The following CADPS variants were observed in gnomAD, a reference collection of about 807,000 sequenced individuals.
CADPS encodes calcium dependent secretion activator.
A neutral mutation model predicts 167.3 loss-of-function variants in CADPS; 57 were observed. That is an observed-to-expected ratio of 0.34 (90% confidence interval 0.28 to 0.42). CADPS has a LOEUF of 0.42. CADPS is among the 20% of genes least tolerant of loss of function. CADPS has a pLI of 1.00. For missense variants in CADPS, 1,414 were observed against 1,738.1 expected, an observed-to-expected ratio of 0.81 and a Z score of 3.32; for synonymous variants, 676 against 635.3, an observed-to-expected ratio of 1.06 and a Z score of -0.96.
At chr3:62,629,757 G>GTTTTTTTTTTTTTT (rs55956118) in intron 6 of CADPS, among the ~76,000 whole-genome samples, 29 of 145,704 alleles carry the variant, frequency 2.0e-4, no homozygotes, top group Non-Finnish European at 2.6e-4. Context: ...CTCTGGTACA[G>GTTTTTTTTTTTTTT]TTTTTTTTTT....
At chr3:62,681,161 C>T (rs1007816239) in intron 3 of CADPS, among the ~76,000 whole-genome samples, 3 of 152,048 alleles carry the variant, frequency 2.0e-5, no homozygotes, top group Non-Finnish European at 2.9e-5. Flanking sequence ...GTGCTGTTGC[C>T]CTGTCTAACA....
At chr3:62,471,443 C>T (rs115966481) in intron 24 of CADPS, among the ~76,000 whole-genome samples, 2,059 of 152,170 alleles carry the variant, frequency 0.014, 43 homozygotes, top group African/African-American at 0.045. Flanking sequence ...AGAAATGGCT[C>T]CATACCTTTT....
At chr3:62,509,305 AAAGAAAG>A (rs1181123322) in intron 17 of CADPS, among the ~76,000 whole-genome samples, 1 of 137,742 alleles carries the variant, frequency 7.3e-6, no homozygotes, top group Non-Finnish European at 1.5e-5. Context: ...AAAAAAAAAA[AAAGAAAG>A]AAAGAAAGAA....
chr3:62,716,250 C>G (rs545249964), intron 3 of CADPS, among the ~76,000 whole-genome samples: 1 of 152,088 alleles, frequency 6.6e-6, no homozygotes, highest in East Asian at 1.9e-4. Flanking sequence ...CACAAGGTTT[C>G]GCCACGTTGG....
chr3:62,753,869 C>T lies in CADPS; in HGVS notation c.556-96G>A. 8.3e-7 allele frequency: 1 copy of T among 1,211,010 alleles called. No homozygotes were observed. Among genetic ancestry groups the T allele is most frequent in the African/African-American group, 1.5e-5 (1 of 66,102 alleles). 75.0% of individuals were successfully genotyped at this position (1,211,010 alleles called of 1,614,324 possible). On this transcript the variant is annotated intron_variant, in intron 2 of 29. Coordinates refer to ENST00000383710, the MANE Select transcript of CADPS (RefSeq NM_003716.4). This position sits in a 1 kb window ranked among gnomAD's most constrained non-coding sequence, Gnocchi z 4.6. ...ACACTGGGCCAGTCCACCTCACGTG[C>T]ATCCCAGGAGGAACCACTGTGGGTC...
At chr3:62,598,006 A>C (rs1578482665) in intron 6 of CADPS, among the ~76,000 whole-genome samples, 1 of 152,328 alleles carries the variant, frequency 6.6e-6, no homozygotes, top group South Asian at 2.1e-4. Flanking sequence ...ACTCCAAAAC[A>C]AAACACACAC....
intron 1 of CADPS, among the ~76,000 whole-genome samples, chr3:62,772,550 T>TA (rs1249159329): frequency 2.6e-5 from 4 of 151,980 alleles, no homozygotes; most frequent in Admixed American, 6.6e-5. Flanking sequence ...ATGTGGTCCT[T>TA]ACATTTTTTG....
At chr3:62,667,277 C>G (rs1310919992) in intron 3 of CADPS, among the ~76,000 whole-genome samples, 1 of 151,974 alleles carries the variant, frequency 6.6e-6, no homozygotes, top group Admixed American at 6.5e-5. Context: ...GGGGAGTCAC[C>G]AGATGTTAAT....
intron 3 of CADPS, among the ~76,000 whole-genome samples, chr3:62,740,573 T>A (rs1218324586): frequency 6.6e-6 from 1 of 152,166 alleles, no homozygotes; most frequent in Admixed American, 6.5e-5. Flanking sequence ...AAACAATTTC[T>A]TCATCATTCA....
At chr3:62,419,144 C>A (rs1206304263) in intron 28 of CADPS, among the ~76,000 whole-genome samples, 3 of 152,142 alleles carry the variant, frequency 2.0e-5, no homozygotes, top group African/African-American at 7.2e-5. Flanking sequence ...CTCTTATGTA[C>A]CTGAATTTCT....
intron 28 of CADPS, among the ~76,000 whole-genome samples, chr3:62,427,309 G>A (rs1011579635): frequency 7.2e-5 from 11 of 152,032 alleles, no homozygotes; most frequent in Non-Finnish European, 1.0e-4. Context: ...TTTCTGAGAC[G>A]AGTTCCCGAG....
intron 6 of CADPS, among the ~76,000 whole-genome samples, chr3:62,605,559 G>T (rs780313262): frequency 6.6e-6 from 1 of 152,298 alleles, no homozygotes; most frequent in East Asian, 1.9e-4. Context: ...AGCAGTCAGC[G>T]TTATCTGGGC....
At chr3:62,566,954 G>A (rs1402629173) in intron 9 of CADPS, among the ~76,000 whole-genome samples, 1 of 152,146 alleles carries the variant, frequency 6.6e-6, no homozygotes, top group Non-Finnish European at 1.5e-5. Flanking sequence ...TAGATGAGAA[G>A]TGCCCTTTTA....
chr3:62,635,057 C>G (rs1368535642), intron 6 of CADPS, among the ~76,000 whole-genome samples: 1 of 152,190 alleles, frequency 6.6e-6, no homozygotes, highest in Non-Finnish European at 1.5e-5. Flanking sequence ...ACACTAAGTT[C>G]TTCCAGAGGC....
intron 1 of CADPS, among the ~76,000 whole-genome samples, chr3:62,819,589 T>C (rs1004750758): frequency 6.6e-6 from 1 of 152,188 alleles, no homozygotes; most frequent in East Asian, 1.9e-4. Context: ...TGTCTTTGTA[T>C]ACCTGGGGCA....
intron 1 of CADPS, among the ~76,000 whole-genome samples, chr3:62,813,965 T>C (rs1336949050): frequency 6.6e-6 from 1 of 152,138 alleles, no homozygotes; most frequent in African/African-American, 2.4e-5. Flanking sequence ...ATGTGGAACT[T>C]TTCAACGACA....
intron 1 of CADPS, among the ~76,000 whole-genome samples, chr3:62,783,661 C>A (rs756164270): frequency 5.9e-5 from 9 of 152,158 alleles, no homozygotes; most frequent in Non-Finnish European, 7.3e-5. Context: ...ATATGTAAGA[C>A]TGTTTGTTAA....
intron 6 of CADPS, among the ~76,000 whole-genome samples, chr3:62,640,609 T>C (rs576310668): frequency 6.6e-6 from 1 of 152,284 alleles, no homozygotes; most frequent in African/African-American, 2.4e-5. Context: ...TTTTCCAAGT[T>C]TGGTTGTGCT....
chr3:62,867,663 T>C (rs2081949743), intron 1 of CADPS, among the ~76,000 whole-genome samples: 1 of 152,078 alleles, frequency 6.6e-6, no homozygotes, highest in African/African-American at 2.4e-5. Context: ...ATAGCAATAA[T>C]GAATATAAGG....
Sources: gnomAD v4.1 joint callset for allele counts (sites outside exome capture counted in the v4.1 genomes callset) on GRCh38, gnomAD v4.1.1 for gene constraint, Gnocchi (gnomAD v3.1) non-coding constraint, MANE v1.5 for transcripts, NCBI Gene and HGNC (gene_info 2026-07-23, HGNC 2026-07-21) for gene names.